The following LUC7L2 variants were observed in gnomAD, a reference collection of about 807,000 sequenced individuals.
LUC7L2 encodes the protein LUC7 like 2, pre-mRNA splicing factor.
Under a neutral mutation model 52.8 loss-of-function variants are expected in LUC7L2, and 25 were observed. The ratio of observed to expected loss-of-function variants is 0.47; its 90% CI spans 0.34 to 0.66. LUC7L2 has a LOEUF of 0.66. Ranked by LOEUF, LUC7L2 falls within the 30% of genes least tolerant of loss-of-function variation. The pLI, the probability that LUC7L2 is intolerant of heterozygous loss-of-function variation, is 0.01. For synonymous variants in LUC7L2, 144 were observed against 160.9 expected (o/e 0.89, Z 0.80); for missense variants, 328 against 497.8 (o/e 0.66, Z 3.25).
At chr7:139,415,059 T>TTG (rs1795529760) in intron 8 of LUC7L2, among the ~76,000 whole-genome samples, 1 of 142,266 alleles carries the variant, frequency 7.0e-6, no homozygotes, top group Non-Finnish European at 1.6e-5. Flanking sequence ...GCTAAGTTTT[T>TTG]TTTTTTTTTT....
At chr7:139,417,811 G>C in intron 9 of LUC7L2, 82 bp downstream of exon 9, 1 of 1,498,250 alleles carries the variant, frequency 6.7e-7, no homozygotes, top group Non-Finnish European at 8.9e-7. Flanking sequence ...CTTATGTTTA[G>C]AGTTCAGATT....
intron 3 of LUC7L2, among the ~76,000 whole-genome samples, chr7:139,399,448 G>GCTTTTT (rs1794799799): frequency 1.2e-5 from 1 of 83,124 alleles, no homozygotes; most frequent in African/African-American, 3.5e-5. Context: ...GTGTTTGGGG[G>GCTTTTT]ATTTTTTTTT....
chr7:139,346,241 CAAAAAAA>C (rs564493279), intron 1 of LUC7L2: 3 of 124,048 alleles, frequency 2.4e-5, no homozygotes, highest in African/African-American at 8.2e-5. Context: ...AACTCTGTCT[CAAAAAAA>C]AAAAAAAAAT....
chr7:139,364,935 T>C (rs953241111), intron 1 of LUC7L2, among the ~76,000 whole-genome samples: 5 of 152,262 alleles, frequency 3.3e-5, no homozygotes, highest in African/African-American at 1.2e-4. Context: ...GGATTGTTCA[T>C]TTTAAGTGAA....
intron 8 of LUC7L2, among the ~76,000 whole-genome samples, chr7:139,413,501 C>T (rs536826424): frequency 2.0e-5 from 3 of 152,202 alleles, no homozygotes; most frequent in Admixed American, 6.5e-5. Flanking sequence ...CCTGGCTGAG[C>T]GCAGTGCCTC....
In LUC7L2 at chr7:139,384,570, G is replaced by A. The variant is rs184147702; in HGVS notation, c.156+8414G>A. Among the ~76,000 whole-genome samples the A allele has an allele frequency of 4.6e-5, 7 of 152,278 alleles. No homozygotes were observed. In the East Asian group the frequency reaches 1.3e-3, roughly 29 times the overall value. On this transcript the variant is annotated intron_variant, in intron 2 of 9. Coordinates refer to ENST00000354926, the MANE Select transcript of LUC7L2 (RefSeq NM_016019.5). ...AATAAAAAATGCATTTGGTGCCCAG[G>A]AAGTTAACAGTGCTTTAAAAGATTG...
intron 1 of LUC7L2, among the ~76,000 whole-genome samples, chr7:139,371,037 TCCCAAG>T (rs545255361): frequency 1.7e-3 from 266 of 152,306 alleles, no homozygotes; most frequent in Admixed American, 3.9e-3. Flanking sequence ...AACTGTCCTG[TCCCAAG>T]CCCACTGTGA....
Position 139,340,656 on chromosome 7 carries a change from A to C in LUC7L2, c.-26+139A>C, listed in dbSNP as rs920191500. ...ATGAAGTGACGATGACGTACCAAAGAGGAAAATAGTTGAATATGTTGTGTG... is the reference window on the plus strand; with the variant it reads ...ATGAAGTGACGATGACGTACCAAAGCGGAAAATAGTTGAATATGTTGTGTG... On this transcript the variant is annotated intron_variant, in intron 1 of 10. Transcript: ENST00000541170. 9 of 396,120 alleles carry C rather than the reference A, an allele frequency of 2.3e-5. No individual in the cohort carries two copies. In the East Asian group the frequency reaches 3.2e-4, roughly 14 times the overall value. 24.5% of individuals were successfully genotyped at this position (396,120 alleles called of 1,614,324 possible). A position where few individuals can be genotyped will look rare whatever the true frequency, so the allele number is the denominator to read the frequency against.
intron 2 of LUC7L2, among the ~76,000 whole-genome samples, chr7:139,394,430 A>G (rs1794576934): frequency 6.6e-6 from 1 of 152,148 alleles, no homozygotes; most frequent in African/African-American, 2.4e-5. Context: ...GTAAAATTGT[A>G]TCTTTCTTGT....
At chr7:139,387,233 T>C (rs573377348) in intron 2 of LUC7L2, among the ~76,000 whole-genome samples, 2 of 152,132 alleles carry the variant, frequency 1.3e-5, no homozygotes, top group Non-Finnish European at 2.9e-5. Flanking sequence ...TAATATGACT[T>C]GTAAAGCTGG....
rs969686056 is a variant in LUC7L2, at chr7:139,374,900, T to C, written c.62-1162T>C. The C allele has an allele frequency of 1.9e-5, 19 of 992,850 alleles. No individual in the cohort carries two copies. The South Asian group carries it at 7.2e-4, about 37-fold the overall frequency. The allele number at this position is 992,850 out of a possible 1,614,324, so 61.5% of individuals were successfully genotyped here. Reference sequence around the variant, plus strand: ...TACATGTGAAAATACAGAAACTAAGTGATTGAATCACATCCTACACGAAAG... The same window carrying C: ...TACATGTGAAAATACAGAAACTAAGCGATTGAATCACATCCTACACGAAAG... On this transcript the variant is annotated intron_variant, in intron 1 of 9. Transcript: ENST00000354926.
At chr7:139,422,088 A>G (rs1305507002) in intron 9 of LUC7L2, 75 bp from the exon 10 acceptor site, 36 of 1,508,086 alleles carry the variant, frequency 2.4e-5, no homozygotes, top group Non-Finnish European at 3.1e-5. Context: ...TCAAGAGCTT[A>G]ATATTTATCC....
chr7:139,367,948 A>G (rs1337192821), intron 1 of LUC7L2, among the ~76,000 whole-genome samples: 2 of 152,220 alleles, frequency 1.3e-5, no homozygotes, highest in African/African-American at 2.4e-5. Context: ...ATGCTAGGGA[A>G]AGTGGCTGTG....
chr7:139,395,907 C>T (rs915582618), intron 2 of LUC7L2, among the ~76,000 whole-genome samples: 1 of 152,126 alleles, frequency 6.6e-6, no homozygotes, highest in African/African-American at 2.4e-5. Context: ...CTTGGCCCCC[C>T]GAAGTGCTGG....
chr7:139,396,744 G>T (rs1035372024), intron 2 of LUC7L2, among the ~76,000 whole-genome samples: 2 of 152,112 alleles, frequency 1.3e-5, no homozygotes, highest in African/African-American at 4.8e-5. Context: ...TTCCTACTTT[G>T]TTTATACTGT....
rs1585087728 is a variant in LUC7L2, at chr7:139,374,593, A to C, written c.62-1469A>C. 74 of 1,514,286 alleles carry C rather than the reference A, an allele frequency of 4.9e-5. No individual in the cohort carries two copies. In the East Asian group the frequency reaches 1.8e-3, roughly 37 times the overall value. 93.8% of individuals were successfully genotyped at this position (1,514,286 alleles called of 1,614,324 possible). A position where few individuals can be genotyped will look rare whatever the true frequency, so the allele number is the denominator to read the frequency against. On this transcript the variant is annotated intron_variant, in intron 1 of 9. Coordinates refer to ENST00000354926, the MANE Select transcript of LUC7L2 (RefSeq NM_016019.5). ...AGTAGCAGGCGTAAACACTAAACTG[A>C]ATATTCCAAATTGTGTCAAAAATAA...
At chr7:139,383,758 G>A (rs1224947978) in intron 2 of LUC7L2, among the ~76,000 whole-genome samples, 1 of 138,430 alleles carries the variant, frequency 7.2e-6, no homozygotes, top group Non-Finnish European at 1.5e-5. Context: ...TTTTGTGACG[G>A]AGTATTGCTC....
At position 139,422,579 on chromosome 7, in the gene LUC7L2, A is replaced by T. The variant is rs550319684; in HGVS notation, c.*239A>T. 1.3e-6 allele frequency: 1 copy of T among 788,254 alleles called. No homozygotes were observed. The highest frequency in any genetic ancestry group is 6.1e-5 in the South Asian group (1 of 16,368). The allele number at this position is 788,254 out of a possible 1,614,324, so 48.8% of individuals were successfully genotyped here. On this transcript the variant is annotated 3_prime_UTR_variant, in exon 10 of 10. Transcript: ENST00000354926. ...TGAAAGTACAGTTTTATATAATAAGATGCTGATCTCTTTATTCTTTCAAGT... is the reference window on the plus strand; with the variant it reads ...TGAAAGTACAGTTTTATATAATAAGTTGCTGATCTCTTTATTCTTTCAAGT...
intron 1 of LUC7L2, chr7:139,341,491 G>A: frequency 6.2e-7 from 1 of 1,613,762 alleles, no homozygotes; most frequent in Middle Eastern, 1.7e-4. Context: ...GCGGCCTATC[G>A]GTACCTTGTG....
Sources: allele counts gnomAD v4.1 joint callset (sites outside exome capture counted in the v4.1 genomes callset), GRCh38; gene constraint gnomAD v4.1.1; transcripts MANE v1.5; gene names NCBI Gene and HGNC (gene_info 2026-07-23, HGNC 2026-07-21).